The following LRRTM4 variants were observed in gnomAD, a reference collection of about 807,000 sequenced individuals.
LRRTM4 encodes leucine rich repeat transmembrane neuronal 4, also known as leucine-rich repeat transmembrane neuronal protein 4.
A neutral mutation model predicts 47.6 loss-of-function variants in LRRTM4; 25 were observed. That is an observed-to-expected ratio of 0.53 (90% CI 0.38 to 0.73). The LOEUF (loss-of-function observed/expected upper bound fraction) is 0.73. Ranked by LOEUF, LRRTM4 falls within the 30% of genes least tolerant of loss-of-function variation. The pLI, the probability that LRRTM4 is intolerant of heterozygous loss-of-function variation, is 0.00. For synonymous variants in LRRTM4, 311 were observed against 269.5 expected (o/e 1.15, Z -1.51); for missense variants, 638 against 713.4 (o/e 0.89, Z 1.20).
intron 3 of LRRTM4, among the ~76,000 whole-genome samples, chr2:76,922,789 G>A (rs1674473359): frequency 6.6e-6 from 1 of 151,946 alleles, no homozygotes; most frequent in Non-Finnish European, 1.5e-5. Flanking sequence ...ATATGCAAAT[G>A]GTAACCAACA....
In LRRTM4 at chr2:77,518,607, G is replaced by A; in HGVS notation, c.1262C>T (p.Ser421Leu). The change falls in exon 3 of 4, where the codon TCA (serine) becomes TTA (leucine). Residue 421 changes from serine to leucine, a missense_variant. Ser to Leu is a moderately radical substitution (Grantham distance 145). Transcript: ENST00000409884. ...PGAEQEYEHVSFHKIIAGSVA... is the reference protein window; with the variant it reads ...PGAEQEYEHVLFHKIIAGSVA... ...ACTCCCGGCAATAATTTTGTGAAAT[G>A]AAACATGCTCATACTCTTGCTCTGC... The A allele has an allele frequency of 1.2e-6, 2 of 1,613,484 alleles. No individual in the cohort carries two copies. The highest frequency in any genetic ancestry group is 1.7e-6 in the Non-Finnish European group (2 of 1,179,668).
intron 3 of LRRTM4, among the ~76,000 whole-genome samples, chr2:77,169,653 C>T (rs917674999): frequency 3.9e-5 from 6 of 152,056 alleles, no homozygotes; most frequent in African/African-American, 1.4e-4. Flanking sequence ...TGAATACTTG[C>T]CTGCCCTTTT....
At chr2:76,943,033 A>C (rs1048021987) in intron 3 of LRRTM4, among the ~76,000 whole-genome samples, 1 of 152,196 alleles carries the variant, frequency 6.6e-6, no homozygotes, top group Non-Finnish European at 1.5e-5. Context: ...ATCATAAATA[A>C]ATCAGGGACA....
chr2:77,278,754 G>T (rs1479794567), intron 3 of LRRTM4, among the ~76,000 whole-genome samples: 1 of 151,898 alleles, frequency 6.6e-6, no homozygotes, highest in Admixed American at 6.6e-5. Context: ...TACATTTCAT[G>T]TTAGAAAGTG....
At chr2:76,866,395 C>G (rs1672469614) in intron 3 of LRRTM4, among the ~76,000 whole-genome samples, 2 of 152,180 alleles carry the variant, frequency 1.3e-5, no homozygotes, top group African/African-American at 4.8e-5. Context: ...CTGCTGGTTA[C>G]CTTTCTTTCC....
chr2:76,804,692 T>C lies in LRRTM4; in HGVS notation c.1552-55776A>G, dbSNP rs574501170. 5.4e-5 allele frequency among the ~76,000 whole-genome samples: 8 copies of C among 148,176 alleles called. No homozygotes were observed. The East Asian group carries it at 1.4e-3, about 25-fold the overall frequency. On this transcript the variant is annotated intron_variant, in intron 3 of 3. Transcript: ENST00000409884. Reference sequence around the variant, plus strand: ...TAAAAAATATATATTTATACATATATTTGATATACATTGATGTATATATAA... The same window carrying C: ...TAAAAAATATATATTTATACATATACTTGATATACATTGATGTATATATAA...
intron 3 of LRRTM4, among the ~76,000 whole-genome samples, chr2:77,063,466 G>T (rs1679857863): frequency 6.6e-6 from 1 of 151,942 alleles, no homozygotes; most frequent in Non-Finnish European, 1.5e-5. Context: ...TACCTGTACT[G>T]TTAAAGTTTT....
chr2:77,288,874 C>T (rs1231420470), intron 3 of LRRTM4, among the ~76,000 whole-genome samples: 1 of 151,984 alleles, frequency 6.6e-6, no homozygotes, highest in African/African-American at 2.4e-5. Flanking sequence ...TGGGATGGAG[C>T]CACAGAAATA....
At chr2:77,424,741 G>A (rs1675040358) in intron 3 of LRRTM4, among the ~76,000 whole-genome samples, 1 of 152,080 alleles carries the variant, frequency 6.6e-6, no homozygotes, top group Admixed American at 6.6e-5. Context: ...GAACAAACAA[G>A]TATTTTGAAG....
intron 3 of LRRTM4, among the ~76,000 whole-genome samples, chr2:76,759,586 C>T (rs1417985136): frequency 6.6e-6 from 1 of 152,082 alleles, no homozygotes; most frequent in African/African-American, 2.4e-5. Context: ...GTCAGGTTCA[C>T]GAGTTATCTA....
At chr2:76,964,955 C>G (rs1032070750) in intron 3 of LRRTM4, among the ~76,000 whole-genome samples, 11 of 150,100 alleles carry the variant, frequency 7.3e-5, no homozygotes, top group Non-Finnish European at 1.6e-4. Flanking sequence ...AAAATTAATA[C>G]AATTCCTTGA....
At chr2:77,072,817 A>AAAAAAAAAAAAC (rs1680203559) in intron 3 of LRRTM4, among the ~76,000 whole-genome samples, 1 of 151,580 alleles carries the variant, frequency 6.6e-6, no homozygotes, top group African/African-American at 2.4e-5. Flanking sequence ...AAAAAAAAAA[A>AAAAAAAAAAAAC]AAAAAACAAA....
At chr2:77,058,726 A>T (rs1182130452) in intron 3 of LRRTM4, among the ~76,000 whole-genome samples, 1 of 152,148 alleles carries the variant, frequency 6.6e-6, no homozygotes, top group African/African-American at 2.4e-5. Flanking sequence ...GAGAATTAGT[A>T]TAAGATGTCA....
chr2:76,903,060 C>T (rs1043364208), intron 3 of LRRTM4, among the ~76,000 whole-genome samples: 2 of 152,200 alleles, frequency 1.3e-5, no homozygotes, highest in East Asian at 3.9e-4. Flanking sequence ...ACTTATCTTT[C>T]AACCAGATTT....
chr2:76,807,526 A>G (rs1362167220), intron 3 of LRRTM4, among the ~76,000 whole-genome samples: 4 of 144,856 alleles, frequency 2.8e-5, no homozygotes, highest in Non-Finnish European at 6.0e-5. Context: ...AATTAAATCA[A>G]CTTTGGGGAT....
At chr2:77,035,362 A>G (rs1388042315) in intron 3 of LRRTM4, among the ~76,000 whole-genome samples, 1 of 151,904 alleles carries the variant, frequency 6.6e-6, no homozygotes, top group East Asian at 1.9e-4. Flanking sequence ...AGATAACATT[A>G]TAACCTGGCT....
At chr2:76,824,291 C>T (rs72815494) in intron 3 of LRRTM4, among the ~76,000 whole-genome samples, 15,792 of 151,360 alleles carry the variant, frequency 0.1, 1,060 homozygotes, top group Non-Finnish European at 0.14. Flanking sequence ...CATTCTCTTT[C>T]GACTGGTTGT....
At chr2:77,479,053 C>T (rs1008344359) in intron 3 of LRRTM4, among the ~76,000 whole-genome samples, 8 of 152,006 alleles carry the variant, frequency 5.3e-5, no homozygotes, top group Non-Finnish European at 1.0e-4. Context: ...TGCCACCATG[C>T]CTGGCTAATT....
chr2:76,787,797 C>G (rs1365938628), intron 3 of LRRTM4, among the ~76,000 whole-genome samples: 1 of 151,994 alleles, frequency 6.6e-6, no homozygotes, highest in Non-Finnish European at 1.5e-5. Context: ...ACTTGATTTT[C>G]TTTTCTGTCC....
Sources: gnomAD v4.1 joint callset for allele counts (sites outside exome capture counted in the v4.1 genomes callset) on GRCh38, gnomAD v4.1.1 for gene constraint, MANE v1.5 for transcripts, NCBI Gene and HGNC (gene_info 2026-07-23, HGNC 2026-07-21) for gene names.